The following PHETA1 variants were observed in gnomAD, a reference collection of about 807,000 sequenced individuals.
PHETA1 encodes sesquipedalian-1.
For missense variants in PHETA1, 348 were observed against 373.5 expected, an observed-to-expected ratio of 0.93 and a Z score of 0.56; for synonymous variants, 155 against 168.9, an observed-to-expected ratio of 0.92 and a Z score of 0.64.
At chr12:111,366,043 A>C in intron 2 of PHETA1, 70 bp downstream of exon 2, 1 of 160,328 alleles carries the variant, frequency 6.2e-6, no homozygotes, top group Non-Finnish European at 1.4e-5. Flanking sequence ...CCACCCATCA[A>C]CTCCCATGTG....
chr12:111,363,267 C>T lies in PHETA1; in HGVS notation c.161G>A (p.Ser54Asn). ...NMLFYFEDAA[S>N]REPVGVIILE... ...GATGATGACGCCCACGGGCTCACGG[C>T]TGGCAGCGTCCTCGAAGTAGAAGAG... The change falls in exon 3 of 3, where the codon AGC (serine) becomes AAC (asparagine). Residue 54 changes from serine to asparagine, a missense_variant. Coordinates refer to ENST00000683047, the MANE Select transcript of PHETA1 (RefSeq NM_144671.6). The surrounding 1 kb of genome is among the most constrained non-coding windows in gnomAD (Gnocchi z 7.4). 2 of 1,613,168 alleles carry T rather than the reference C, an allele frequency of 1.2e-6. No individual in the cohort carries two copies. Among genetic ancestry groups the T allele is most frequent in the Non-Finnish European group, 1.7e-6 (2 of 1,179,916 alleles).
chr12:111,365,848 C>A (rs571834407), intron 2 of PHETA1, among the ~76,000 whole-genome samples: 1 of 152,058 alleles, frequency 6.6e-6, no homozygotes, highest in African/African-American at 2.4e-5. Context: ...ATGTGACAAG[C>A]CTGCATGTTC....
At chr12:111,364,370 C>T (rs912034546) in intron 2 of PHETA1, among the ~76,000 whole-genome samples, 13 of 151,078 alleles carry the variant, frequency 8.6e-5, no homozygotes, top group African/African-American at 2.4e-4. Context: ...AAGATGGACA[C>T]GGTCCCTGCC....
rs1037474062 is a variant in PHETA1 at position 111,367,150 on chromosome 12, C to T, written c.-181-893G>A. Among the ~76,000 whole-genome samples the T allele has an allele frequency of 2.0e-5, 3 of 152,162 alleles. No individual in the cohort carries two copies. Among genetic ancestry groups the T allele is most frequent in the Admixed American group, 1.3e-4 (2 of 15,280 alleles). ...TGTTCCTCAAATACACCAGACACAT[C>T]CCCACCTCCAAGACTTGGTCCCGGC... On this transcript the variant is annotated intron_variant, in intron 1 of 2. Coordinates refer to ENST00000683047, the MANE Select transcript of PHETA1 (RefSeq NM_144671.6). The surrounding 1 kb of genome is among the most constrained non-coding windows in gnomAD (Gnocchi z 4.0).
At position 111,362,397 on chromosome 12, in the gene PHETA1, G is replaced by T; in HGVS notation, c.*281C>A. ...GGCAGCTCAGGCCAGCCTGGGGCCG[G>T]AGTTCTCAGGAAACCTCCCCCTCAG... On this transcript the variant is annotated 3_prime_UTR_variant, in exon 3 of 3. Transcript: ENST00000683047. 1 of 789,448 alleles carries T rather than the reference G, an allele frequency of 1.3e-6. No homozygotes were observed. The highest frequency in any genetic ancestry group is 1.9e-6 in the Non-Finnish European group (1 of 516,494). 48.9% of individuals were successfully genotyped at this position (789,448 alleles called of 1,614,324 possible).
At position 111,367,512 on chromosome 12, in the gene PHETA1, A is replaced by T. The variant is rs1212959587; in HGVS notation, c.-181-1255T>A. 6.6e-6 allele frequency among the ~76,000 whole-genome samples: 1 copy of T among 152,230 alleles called. No individual in the cohort carries two copies. The highest frequency in any genetic ancestry group is 2.4e-5 in the African/African-American group (1 of 41,466). ...CAGGGAGATTCAATAAGTTGGCTAGAGGCATACAACTGTGCCCAGAATCAC... is the reference window on the plus strand; with the variant it reads ...CAGGGAGATTCAATAAGTTGGCTAGTGGCATACAACTGTGCCCAGAATCAC... On this transcript the variant is annotated intron_variant, in intron 1 of 2. Coordinates refer to ENST00000683047, the MANE Select transcript of PHETA1 (RefSeq NM_144671.6). This position sits in a 1 kb window ranked among gnomAD's most constrained non-coding sequence, Gnocchi z 4.0.
Position 111,362,330 on chromosome 12 carries a change from T to C in PHETA1, c.*348A>G, listed in dbSNP as rs528997705. The C allele has an allele frequency of 6.0e-6, 3 of 503,334 alleles. No homozygotes were observed. In the South Asian group the frequency reaches 6.4e-5, roughly 11 times the overall value. 31.2% of individuals were successfully genotyped at this position (503,334 alleles called of 1,614,324 possible). A position where few individuals can be genotyped will look rare whatever the true frequency, so the allele number is the denominator to read the frequency against. ...CCTCAGTCCCAGTGACCCTCTGAGC[T>C]GCAGGCCCGGCAATGCCTGTTGCCA... On this transcript the variant is annotated 3_prime_UTR_variant, in exon 3 of 3. Transcript: ENST00000683047.
At position 111,367,333 on chromosome 12, in the gene PHETA1, T is replaced by A. The variant is rs1869094802; in HGVS notation, c.-181-1076A>T. Among the ~76,000 whole-genome samples, 1 of 152,222 alleles carries A rather than the reference T, an allele frequency of 6.6e-6. No individual in the cohort carries two copies. The highest frequency in any genetic ancestry group is 2.1e-4 in the South Asian group (1 of 4,834). ...CTGAAATTAATACCTGGGTCATTTC[T>A]GCCTGCAGGGGCGTTTGTGGTCTGA... On this transcript the variant is annotated intron_variant, in intron 1 of 2. Transcript: ENST00000683047. This position sits in a 1 kb window ranked among gnomAD's most constrained non-coding sequence, Gnocchi z 4.0.
chr12:111,363,181 A>AGCGCACAGCGAAG lies in PHETA1; in HGVS notation c.234_246dup (p.Phe83LeufsTer18). The AGCGCACAGCGAAG allele has an allele frequency of 3.7e-6, 6 of 1,612,682 alleles. No individual in the cohort carries two copies. Among genetic ancestry groups the AGCGCACAGCGAAG allele is most frequent in the Non-Finnish European group, 5.1e-6 (6 of 1,179,864 alleles). On this transcript the variant is annotated frameshift_variant, in exon 3 of 3. Coordinates refer to ENST00000683047, the MANE Select transcript of PHETA1 (RefSeq NM_144671.6). LOFTEE classifies it low-confidence loss of function (END_TRUNC). This position sits in a 1 kb window ranked among gnomAD's most constrained non-coding sequence, Gnocchi z 7.4. Reference sequence around the variant, plus strand: ...TAGGTGCGCGCCCGGGTCCCCGCAAAGCGCACAGCGAAGGCGAACTCCTCG... The same window carrying AGCGCACAGCGAAG: ...TAGGTGCGCGCCCGGGTCCCCGCAAAGCGCACAGCGAAGGCGCACAGCGAAGGCGAACTCCTCG...
In PHETA1 at chr12:111,363,229, T is replaced by C. The variant is rs1199260702; in HGVS notation, c.199A>G (p.Thr67Ala). The C allele has an allele frequency of 1.2e-6, 2 of 1,613,112 alleles. No homozygotes were observed. Among genetic ancestry groups the C allele is most frequent in the East Asian group, 2.2e-5 (1 of 44,886 alleles). ...TCGGCGGCCTCCACCAGCTCCACAG[T>C]GCAGCCCTCCAGGATGATGACGCCC... Reference protein sequence around the residue: ...PVGVIILEGCTVELVEAAEEF... With the variant: ...PVGVIILEGCAVELVEAAEEF... The change falls in exon 3 of 3, where the codon ACT (threonine) becomes GCT (alanine). Residue 67 changes from threonine (T) to alanine (A), a missense_variant. Thr to Ala is a moderately conservative substitution (Grantham distance 58). Transcript: ENST00000683047. The surrounding 1 kb of genome is among the most constrained non-coding windows in gnomAD (Gnocchi z 7.4).
chr12:111,362,448 C>G lies in PHETA1; in HGVS notation c.*230G>C. ...GCCCTGGATTCTCCTTAGTGTTGCA[C>G]GTGACGTTCCCCTCAAGGGTAGGCC... On this transcript the variant is annotated 3_prime_UTR_variant, in exon 3 of 3. Coordinates refer to ENST00000683047, the MANE Select transcript of PHETA1 (RefSeq NM_144671.6). 1.8e-6 allele frequency: 2 copies of G among 1,138,942 alleles called. No homozygotes were observed. Among genetic ancestry groups the G allele is most frequent in the Non-Finnish European group, 2.4e-6 (2 of 827,636 alleles). The allele number at this position is 1,138,942 out of a possible 1,614,324, so 70.6% of individuals were successfully genotyped here. A position where few individuals can be genotyped will look rare whatever the true frequency, so the allele number is the denominator to read the frequency against.
Position 111,363,367 on chromosome 12 carries a change from C to T in PHETA1, c.61G>A (p.Ala21Thr), listed in dbSNP as rs1760267248. The T allele has an allele frequency of 1.9e-6, 3 of 1,613,110 alleles. No individual in the cohort carries two copies. The highest frequency in any genetic ancestry group is 2.5e-6 in the Non-Finnish European group (3 of 1,179,946). Residue 21 changes from alanine (A) to threonine (T), a missense_variant, in exon 3 of 3, where the codon GCA (alanine) becomes ACA (threonine). Physicochemically the swap from Ala to Thr is moderately conservative, Grantham distance 58 (BLOSUM62 0). Transcript: ENST00000683047. The surrounding 1 kb of genome is among the most constrained non-coding windows in gnomAD (Gnocchi z 7.4). ...YATCDAPVDN[A>T]GFLYKKGGRH... ...CCACCCTTCTTGTACAGGAAGCCTG[C>T]ATTGTCCACCGGGGCGTCACAGGTG...
In PHETA1 at chr12:111,362,960, C is replaced by T; in HGVS notation, c.468G>A (p.Leu156=). The change falls in exon 3 of 3, where the codon CTG becomes CTA. Residue 156 remains leucine, a synonymous_variant. Transcript: ENST00000683047. ...LPLPPSLPSA[L]APVPSLPSAP... ...CAGAAGGCAGGGATGGGACTGGGGCCAGGGCAGAGGGCAGGGACGGGGGCA... is the reference window on the plus strand; with the variant it reads ...CAGAAGGCAGGGATGGGACTGGGGCTAGGGCAGAGGGCAGGGACGGGGGCA... The T allele has an allele frequency of 6.8e-7, 1 of 1,469,832 alleles. No individual in the cohort carries two copies. The highest frequency in any genetic ancestry group is 9.0e-7 in the Non-Finnish European group (1 of 1,116,142). 91.0% of individuals were successfully genotyped at this position (1,469,832 alleles called of 1,614,324 possible).
At chr12:111,365,549 G>A in intron 2 of PHETA1, 1 of 455,934 alleles carries the variant, frequency 2.2e-6, no homozygotes, top group Admixed American at 2.4e-5. Context: ...TAAAGGAAAT[G>A]TGGTACATAC....
chr12:111,366,427 T>A (rs1324614794), intron 1 of PHETA1, among the ~76,000 whole-genome samples, 170 bp from the exon 2 acceptor site: 1 of 152,292 alleles, frequency 6.6e-6, no homozygotes, highest in East Asian at 1.9e-4. Flanking sequence ...GTGCTTCCGA[T>A]CTCAGCAAAT....
chr12:111,362,277 T>C lies in PHETA1; in HGVS notation c.*401A>G, dbSNP rs1042846283. 4 of 396,964 alleles carry C rather than the reference T, an allele frequency of 1.0e-5. No individual in the cohort carries two copies. Among genetic ancestry groups the C allele is most frequent in the South Asian group, 8.5e-5 (4 of 47,036 alleles). The allele number at this position is 396,964 out of a possible 1,614,324, so 24.6% of individuals were successfully genotyped here. A position where few individuals can be genotyped will look rare whatever the true frequency, so the allele number is the denominator to read the frequency against. On this transcript the variant is annotated 3_prime_UTR_variant, in exon 3 of 3. Transcript: ENST00000683047. ...GCCTGGTCAGGAGCTGCACTAACTG[T>C]GCATTTGCTTTTCAGGCCACAGATC...
At chr12:111,365,758 G>A (rs1471132472) in intron 2 of PHETA1, 3 of 232,710 alleles carry the variant, frequency 1.3e-5, no homozygotes, top group Non-Finnish European at 2.5e-5. Flanking sequence ...ATCGGGGCCT[G>A]TTGGGGGATC....
chr12:111,362,734 C>CGG lies in PHETA1; in HGVS notation c.693_694insCC (p.Gly232ProfsTer72). 1 of 1,545,508 alleles carries CGG rather than the reference C, an allele frequency of 6.5e-7. No homozygotes were observed. The highest frequency in any genetic ancestry group is 8.7e-7 in the Non-Finnish European group (1 of 1,146,008). The stretch of plus-strand genomic sequence containing the variant: ...CCACGCAGGGCCCGGATCTCCTGGC[C>CGG]ATAGCACTCGTGCAGCCGGGCGAAG... On this transcript the variant is annotated frameshift_variant, in exon 3 of 3. Coordinates refer to ENST00000683047, the MANE Select transcript of PHETA1 (RefSeq NM_144671.6). LOFTEE classifies it low-confidence loss of function (END_TRUNC).
At chr12:111,365,097 G>A (rs1868950896) in intron 2 of PHETA1, among the ~76,000 whole-genome samples, 1 of 152,154 alleles carries the variant, frequency 6.6e-6, no homozygotes, top group Admixed American at 6.5e-5. Flanking sequence ...ATGGGGCAAC[G>A]CTGGCCAGGA....
Sources: allele counts gnomAD v4.1 joint callset (sites outside exome capture counted in the v4.1 genomes callset), GRCh38; gene constraint gnomAD v4.1.1; non-coding constraint Gnocchi (gnomAD v3.1); transcripts MANE v1.5; gene names NCBI Gene and HGNC (gene_info 2026-07-23, HGNC 2026-07-21).